The following SPOP variants were observed in gnomAD, a reference collection of about 807,000 sequenced individuals.
SPOP encodes speckle type BTB/POZ protein.
A neutral mutation model predicts 45.6 loss-of-function variants in SPOP; 11 were observed. That is an observed-to-expected ratio of 0.24 (90% CI 0.15 to 0.40). The LOEUF (loss-of-function observed/expected upper bound fraction) is 0.40, where lower values mean the gene tolerates loss of function less well. Among genes scored for constraint, SPOP ranks in the 10% least tolerant of loss-of-function variants. The pLI, the probability that SPOP is intolerant of heterozygous loss-of-function variation, is 1.00. For synonymous variants in SPOP, 166 were observed against 166.3 expected (o/e 1.00, Z 0.01); for missense variants, 152 against 465.6 (o/e 0.33, Z 6.20).
At chr17:49,611,540 C>A in intron 5 of SPOP, 83 bp from the exon 6 acceptor site, 4 of 1,237,064 alleles carry the variant, frequency 3.2e-6, no homozygotes, top group Non-Finnish European at 4.7e-6. Context: ...TACCTAACTG[C>A]TGTAGTACAT....
intron 1 of SPOP, among the ~76,000 whole-genome samples, chr17:49,676,542 T>C (rs914562463): frequency 6.6e-6 from 1 of 152,046 alleles, no homozygotes; most frequent in African/African-American, 2.4e-5. Flanking sequence ...GAATACAAAC[T>C]AAAGAGAATT....
chr17:49,611,341 G>T lies in SPOP; in HGVS notation c.597C>A (p.Phe199Leu). Residue 199 changes from phenylalanine to leucine, a missense_variant, in exon 6 of 10, where the codon TTC (phenylalanine) becomes TTA (leucine). Physicochemically the swap from Phe to Leu is conservative, Grantham distance 22. Transcript: ENST00000504102. ...ELGGLWENSR[F>L]TDCCLCVAGQ... Reference sequence around the variant, plus strand: ...CGGCAACACACAAGCAGCAGTCTGTGAACCGGGAATTCTCCCACAGTCCTC... The same window carrying T: ...CGGCAACACACAAGCAGCAGTCTGTTAACCGGGAATTCTCCCACAGTCCTC... 1 of 1,614,158 alleles carries T rather than the reference G, an allele frequency of 6.2e-7. No individual in the cohort carries two copies. The highest frequency in any genetic ancestry group is 8.5e-7 in the Non-Finnish European group (1 of 1,180,036).
At chr17:49,608,065 A>T in intron 6 of SPOP, 136 bp from the exon 7 acceptor site, 1 of 559,660 alleles carries the variant, frequency 1.8e-6, no homozygotes, top group South Asian at 4.0e-5. Flanking sequence ...TTTACATCAG[A>T]ATTACAAAAT....
At chr17:49,673,741 T>C (rs2073166475) in intron 1 of SPOP, among the ~76,000 whole-genome samples, 1 of 152,236 alleles carries the variant, frequency 6.6e-6, no homozygotes, top group South Asian at 2.1e-4. Context: ...CCCTTAATCA[T>C]GTCTTCACAA....
At chr17:49,642,125 T>A (rs997084674) in intron 1 of SPOP, among the ~76,000 whole-genome samples, 2 of 152,084 alleles carry the variant, frequency 1.3e-5, no homozygotes, top group African/African-American at 4.8e-5. Flanking sequence ...CAAATCAGCA[T>A]AACTATTATG....
chr17:49,600,278 G>GT lies in SPOP; in HGVS notation c.*99dup. 1 of 1,507,446 alleles carries GT rather than the reference G, an allele frequency of 6.6e-7. No homozygotes were observed. The highest frequency in any genetic ancestry group is 1.2e-5 in the South Asian group (1 of 84,008). 93.4% of individuals were successfully genotyped at this position (1,507,446 alleles called of 1,614,324 possible). A position where few individuals can be genotyped will look rare whatever the true frequency, so the allele number is the denominator to read the frequency against. ...TGCAGTCTCTTCCCCTCACAACAGA[G>GT]TAAAAGCTCCACAGATTGCGCTGTC... On this transcript the variant is annotated 3_prime_UTR_variant, in exon 10 of 10. Coordinates refer to ENST00000504102, the MANE Select transcript of SPOP (RefSeq NM_001007228.2). The surrounding 1 kb of genome is among the most constrained non-coding windows in gnomAD (Gnocchi z 4.2).
chr17:49,673,461 G>A lies in SPOP; in HGVS notation c.-67+4472C>T, dbSNP rs1007087448. On this transcript the variant is annotated intron_variant, in intron 1 of 9. Transcript: ENST00000504102. Reference sequence around the variant, plus strand: ...GCGGAGCTTGCAGTGAGCCAAGATCGCGCCACTGCACTCCAGCCTGGGTGA... The same window carrying A: ...GCGGAGCTTGCAGTGAGCCAAGATCACGCCACTGCACTCCAGCCTGGGTGA... 5.3e-5 allele frequency among the ~76,000 whole-genome samples: 8 copies of A among 151,546 alleles called. No individual in the cohort carries two copies. The South Asian group carries it at 8.3e-4, about 16-fold the overall frequency.
chr17:49,628,515 GGACA>G (rs1376028030), intron 1 of SPOP, among the ~76,000 whole-genome samples: 1 of 151,556 alleles, frequency 6.6e-6, no homozygotes, highest in Non-Finnish European at 1.5e-5. Flanking sequence ...AAACTTTGGA[GGACA>G]GACAGAAGGA....
At chr17:49,661,431 C>T (rs149040801) in intron 1 of SPOP, among the ~76,000 whole-genome samples, 1 of 152,264 alleles carries the variant, frequency 6.6e-6, no homozygotes, top group Non-Finnish European at 1.5e-5. Context: ...CCTTCTGCCT[C>T]AATTCCCTTC....
At chr17:49,637,911 C>T (rs1376494078) in intron 1 of SPOP, among the ~76,000 whole-genome samples, 1 of 152,198 alleles carries the variant, frequency 6.6e-6, no homozygotes, top group Non-Finnish European at 1.5e-5. Context: ...TATGCTGCCC[C>T]AGCTGGAGTA....
chr17:49,654,440 A>G (rs1273622052), intron 1 of SPOP, among the ~76,000 whole-genome samples: 1 of 152,244 alleles, frequency 6.6e-6, no homozygotes, highest in East Asian at 1.9e-4. Flanking sequence ...TGTAGTAGAT[A>G]CTGAATAAGT....
chr17:49,645,417 A>G (rs948098631), intron 1 of SPOP, among the ~76,000 whole-genome samples: 1 of 151,804 alleles, frequency 6.6e-6, no homozygotes, highest in Non-Finnish European at 1.5e-5. Context: ...CTCCTGCCTC[A>G]GCCTCCTAAG....
chr17:49,650,532 C>T (rs2072829203), intron 1 of SPOP, among the ~76,000 whole-genome samples: 2 of 152,096 alleles, frequency 1.3e-5, no homozygotes, highest in Admixed American at 1.3e-4. Context: ...GTGAGCCAAG[C>T]TCGTGCCACT....
At position 49,668,825 on chromosome 17, in the gene SPOP, G is replaced by A. The variant is rs971367194; in HGVS notation, c.-67+9108C>T. Among the ~76,000 whole-genome samples, 5 of 143,268 alleles carry A rather than the reference G, an allele frequency of 3.5e-5. No individual in the cohort carries two copies. The Admixed American group carries it at 3.6e-4, about 10-fold the overall frequency. The allele number at this position is 143,268 out of a possible 152,430, so 94.0% of individuals were successfully genotyped here. ...GTCTCTCACTCTTGTCACCCAGACTGGAGTGCAATGGCACGATCTCGGCTC... is the reference window on the plus strand; with the variant it reads ...GTCTCTCACTCTTGTCACCCAGACTAGAGTGCAATGGCACGATCTCGGCTC... On this transcript the variant is annotated intron_variant, in intron 1 of 9. Coordinates refer to ENST00000504102, the MANE Select transcript of SPOP (RefSeq NM_001007228.2).
At position 49,607,351 on chromosome 17, in the gene SPOP, C is replaced by G; in HGVS notation, c.736G>C (p.Val246Leu). 1 of 1,613,700 alleles carries G rather than the reference C, an allele frequency of 6.2e-7. No individual in the cohort carries two copies. The highest frequency in any genetic ancestry group is 1.1e-5 in the South Asian group (1 of 91,020). The change falls in exon 8 of 10, where the codon GTG becomes CTG. Residue 246 changes from valine (V) to leucine (L), a missense_variant. Physicochemically the swap from Val to Leu is conservative, Grantham distance 32. Around this residue, in one of 3 missense-constraint regions of SPOP, gnomAD observed 106 missense variants for 255.2 expected, o/e 0.42. Transcript: ENST00000504102. ...SKKNRVEIND[V>L]EPEVFKEMMC... ...ATTTCCTTAAAAACTTCAGGCTCCACATCATTGATTTCAACTCGATTCTAT... is the reference window on the plus strand; with the variant it reads ...ATTTCCTTAAAAACTTCAGGCTCCAGATCATTGATTTCAACTCGATTCTAT...
At chr17:49,656,112 A>C (rs2072909969) in intron 1 of SPOP, among the ~76,000 whole-genome samples, 1 of 152,136 alleles carries the variant, frequency 6.6e-6, no homozygotes, top group Admixed American at 6.6e-5. Flanking sequence ...GTGCCCAGCC[A>C]GGTATTCTTA....
At chr17:49,622,618 T>C in intron 2 of SPOP, 115 bp downstream of exon 2, 1 of 875,234 alleles carries the variant, frequency 1.1e-6, no homozygotes, top group South Asian at 1.5e-5. Flanking sequence ...ATCTGCTCTT[T>C]GGCAGTTATG....
intron 1 of SPOP, among the ~76,000 whole-genome samples, chr17:49,658,378 T>A (rs1017231137): frequency 1.3e-5 from 2 of 152,198 alleles, no homozygotes; most frequent in Non-Finnish European, 2.9e-5. Flanking sequence ...ATACTTTTAT[T>A]CTGAAAAAAT....
At position 49,607,790 on chromosome 17, in the gene SPOP, G is replaced by T. The variant is rs143915208; in HGVS notation, c.714+84C>A. 3 of 1,338,754 alleles carry T rather than the reference G, an allele frequency of 2.2e-6. No homozygotes were observed. In the African/African-American group the frequency reaches 4.4e-5, roughly 20 times the overall value. The allele number at this position is 1,338,754 out of a possible 1,614,324, so 82.9% of individuals were successfully genotyped here. The stretch of plus-strand genomic sequence containing the variant: ...CATTTTAGTAAGAAAAAAGTAATTA[G>T]GAAAATGAATCTGCAGCTAAAGTGG... On this transcript the variant is annotated intron_variant, in intron 7 of 9. Transcript: ENST00000504102.
Sources: gnomAD v4.1 joint callset for allele counts (sites outside exome capture counted in the v4.1 genomes callset) on GRCh38, gnomAD v4.1.1 for gene constraint, gnomAD v4.1.1 regional missense constraint, Gnocchi (gnomAD v3.1) non-coding constraint, MANE v1.5 for transcripts, NCBI Gene and HGNC (gene_info 2026-07-23, HGNC 2026-07-21) for gene names.